The following TGM1 variants were observed in gnomAD, a reference collection of about 807,000 sequenced individuals.
The protein encoded by TGM1 is protein-glutamine gamma-glutamyltransferase K.
TGM1 carries 63 observed loss-of-function variants against 88.7 expected under a neutral mutation model. The ratio of observed to expected loss-of-function variants is 0.71; its 90% CI spans 0.58 to 0.88. TGM1 has a LOEUF of 0.88. Ranked by LOEUF, TGM1 falls within the 40% of genes least tolerant of loss-of-function variation. The pLI is 0.00. For missense variants in TGM1, 996 were observed against 1,118.0 expected (o/e 0.89, Z 1.56); for synonymous variants, 415 against 431.1 (o/e 0.96, Z 0.46).
Position 24,259,040 on chromosome 14 carries a change from G to A in TGM1, c.1159+35C>T. 6.2e-7 allele frequency: 1 copy of A among 1,612,130 alleles called. No homozygotes were observed. The highest frequency in any genetic ancestry group is 1.1e-5 in the South Asian group (1 of 90,866). ...TGGCTTTCCTCCCTTCTCCCTGTAG[G>A]GCCCGGGCCACTCCTGTCCCAGTCC... On this transcript the variant is annotated intron_variant, in intron 7 of 14. Transcript: ENST00000206765. The surrounding 1 kb of genome is among the most constrained non-coding windows in gnomAD (Gnocchi z 5.7).
At chr14:24,258,984 G>A in intron 7 of TGM1, 91 bp downstream of exon 7, 1 of 1,492,162 alleles carries the variant, frequency 6.7e-7, no homozygotes, top group South Asian at 1.2e-5. Context: ...ACCCTGCACT[G>A]TAGCCACATC....
chr14:24,250,534 C>G (rs2040693242), intron 14 of TGM1, among the ~76,000 whole-genome samples: 1 of 152,118 alleles, frequency 6.6e-6, no homozygotes, highest in Admixed American at 6.5e-5. Flanking sequence ...CTACCGAATG[C>G]CTTCTTCCCC....
rs150181059 is a variant in TGM1 at position 24,259,978 on chromosome 14, C to G, written c.838G>C (p.Glu280Gln). Residue 280 changes from glutamate to glutamine, a missense_variant, in exon 5 of 15, where the codon GAA (glutamate) becomes CAA (glutamine). Transcript: ENST00000206765. The surrounding 1 kb of genome is among the most constrained non-coding windows in gnomAD (Gnocchi z 5.7). ...CAGGTCCGCTCACCAATCTGTGCTT[C>G]GGTCCCGTAGTAAATTCTCCCAGAC... ...NESGRIYYGT[E>Q]AQIGERTWNY... The G allele has an allele frequency of 2.5e-6, 4 of 1,614,090 alleles. No individual in the cohort carries two copies. Among genetic ancestry groups the G allele is most frequent in the Non-Finnish European group, 2.5e-6 (3 of 1,180,034 alleles).
chr14:24,253,062 C>T (rs1594565749), intron 14 of TGM1, among the ~76,000 whole-genome samples: 1 of 152,204 alleles, frequency 6.6e-6, no homozygotes. Flanking sequence ...GTTCTCTCCT[C>T]TGGAACTGCT....
intron 3 of TGM1, among the ~76,000 whole-genome samples, chr14:24,261,243 C>T (rs1302936398): frequency 6.6e-6 from 1 of 152,114 alleles, no homozygotes; most frequent in African/African-American, 2.4e-5. Flanking sequence ...CAAGCTACAC[C>T]AAGCAACGCG....
At chr14:24,251,670 T>C (rs556782121) in intron 14 of TGM1, among the ~76,000 whole-genome samples, 2 of 152,328 alleles carry the variant, frequency 1.3e-5, no homozygotes, top group South Asian at 4.1e-4. Context: ...TGCCTGGGCT[T>C]GAAACATGTT....
chr14:24,252,451 C>T (rs1251824209), intron 14 of TGM1, among the ~76,000 whole-genome samples: 3 of 152,194 alleles, frequency 2.0e-5, no homozygotes, highest in Non-Finnish European at 4.4e-5. Flanking sequence ...TCTGCGGATC[C>T]CTTAGGACGA....
At chr14:24,251,785 G>A (rs563644877) in intron 14 of TGM1, among the ~76,000 whole-genome samples, 260 of 152,238 alleles carry the variant, frequency 1.7e-3, no homozygotes, top group Middle Eastern at 6.8e-3. Flanking sequence ...AGCATGCCTC[G>A]GTTCTGATGG....
intron 2 of TGM1, 51 bp from the exon 3 acceptor site, chr14:24,261,934 C>T (rs772302409): frequency 1.2e-6 from 2 of 1,610,602 alleles, no homozygotes; most frequent in South Asian, 2.2e-5. Context: ...AGCCCAGGCC[C>T]TTATCATTAG....
Position 24,259,867 on chromosome 14 carries a change from G to GCTCCAATA in TGM1, c.877-64_877-57dup. On this transcript the variant is annotated intron_variant, in intron 5 of 14. Transcript: ENST00000206765. The surrounding 1 kb of genome is among the most constrained non-coding windows in gnomAD (Gnocchi z 5.7). ...AGCCTGAACCCTAGGCCAGCACCCTGCTCCAATACCCCAGCCCCCACACCC... is the reference window on the plus strand; with the variant it reads ...AGCCTGAACCCTAGGCCAGCACCCTGCTCCAATACTCCAATACCCCAGCCCCCACACCC... The GCTCCAATA allele has an allele frequency of 1.2e-6, 2 of 1,607,662 alleles. No individual in the cohort carries two copies. The highest frequency in any genetic ancestry group is 8.5e-7 in the Non-Finnish European group (1 of 1,175,014).
chr14:24,259,432 C>T lies in TGM1; in HGVS notation c.985-183G>A, dbSNP rs546300592. Among the ~76,000 whole-genome samples the T allele has an allele frequency of 2.2e-4, 33 of 152,326 alleles. No homozygotes were observed. The highest frequency in any genetic ancestry group is 9.7e-4 in the East Asian group (5 of 5,178). ...CTCAGCCATCTGCCCCCCTCCCACC[C>T]GGGCTCTGACACAGGAATGTGAATC... On this transcript the variant is annotated intron_variant, in intron 6 of 14. Transcript: ENST00000206765. The surrounding 1 kb of genome is among the most constrained non-coding windows in gnomAD (Gnocchi z 5.7).
rs754311329 is a variant in TGM1 at position 24,255,240 on chromosome 14, C to T, written c.1659G>A (p.Glu553=). 4 of 1,613,736 alleles carry T rather than the reference C, an allele frequency of 2.5e-6. No homozygotes were observed. The East Asian group carries it at 8.9e-5, about 36-fold the overall frequency. The change falls in exon 12 of 15, where the codon GAG becomes GAA. Residue 553 remains glutamate (E), a synonymous_variant. Coordinates refer to ENST00000206765, the MANE Select transcript of TGM1 (RefSeq NM_000359.3). This position sits in a 1 kb window ranked among gnomAD's most constrained non-coding sequence, Gnocchi z 4.0. ...LYKHPEGSDA[E]RKAVETAAAH... is the part of the protein sequence containing the mutation. ...CTGCTGCTGTCTCTACTGCCTTCCG[C>T]TCTGCGTCTGAGCCTGGGGGTTGAG...
At position 24,259,628 on chromosome 14, in the gene TGM1, G is replaced by T; in HGVS notation, c.984+76C>A. On this transcript the variant is annotated intron_variant, in intron 6 of 14. Coordinates refer to ENST00000206765, the MANE Select transcript of TGM1 (RefSeq NM_000359.3). This position sits in a 1 kb window ranked among gnomAD's most constrained non-coding sequence, Gnocchi z 5.7. ...TGGGGGTTCTTGAGGAATCCAGAAA[G>T]GGCAGGAGGAGGGTGGGGGTGTGGC... is the stretch of plus-strand genomic sequence containing the variant. 8.0e-7 allele frequency: 1 copy of T among 1,255,604 alleles called. No homozygotes were observed. Among genetic ancestry groups the T allele is most frequent in the Non-Finnish European group, 1.1e-6 (1 of 878,072 alleles). The allele number at this position is 1,255,604 out of a possible 1,614,324, so 77.8% of individuals were successfully genotyped here.
intron 14 of TGM1, 141 bp from the exon 15 acceptor site, chr14:24,249,682 C>CTT: frequency 1.2e-6 from 1 of 813,484 alleles, no homozygotes; most frequent in Non-Finnish European, 2.0e-6. Context: ...TTTCCACACC[C>CTT]AAGACCAGGA....
chr14:24,254,035 G>C, intron 14 of TGM1, 117 bp downstream of exon 14: 2 of 1,456,188 alleles, frequency 1.4e-6, no homozygotes, highest in East Asian at 2.5e-5. Flanking sequence ...CAACCTGCTT[G>C]GTTGGGTCCT....
chr14:24,250,179 T>TGTGTGAGAGAGA (rs138497842), intron 14 of TGM1, among the ~76,000 whole-genome samples: 58 of 140,802 alleles, frequency 4.1e-4, no homozygotes, highest in African/African-American at 1.4e-3. Context: ...TGTGTGTGTG[T>TGTGTGAGAGAGA]GAGAGAGACA....
chr14:24,258,864 C>A (rs1335869038), intron 7 of TGM1, among the ~76,000 whole-genome samples, 191 bp from the exon 8 acceptor site: 1 of 152,246 alleles, frequency 6.6e-6, no homozygotes, highest in African/African-American at 2.4e-5. Flanking sequence ...AGGCCACCTG[C>A]CTGGCTCAGT....
At position 24,259,557 on chromosome 14, in the gene TGM1, G is replaced by GGGA; in HGVS notation, c.984+144_984+146dup. On this transcript the variant is annotated intron_variant, in intron 6 of 14. Coordinates refer to ENST00000206765, the MANE Select transcript of TGM1 (RefSeq NM_000359.3). This position sits in a 1 kb window ranked among gnomAD's most constrained non-coding sequence, Gnocchi z 5.7. ...GGGGCAGGCAAGGGAGAGAAGAGGA[G>GGGA]GGAGACCCCTTCCTGAAGTATCCTT... The GGGA allele has an allele frequency of 1.3e-6, 1 of 755,330 alleles. No homozygotes were observed. Among genetic ancestry groups the GGGA allele is most frequent in the Non-Finnish European group, 2.3e-6 (1 of 438,772 alleles). 46.8% of individuals were successfully genotyped at this position (755,330 alleles called of 1,614,324 possible). A position where few individuals can be genotyped will look rare whatever the true frequency, so the allele number is the denominator to read the frequency against.
intron 2 of TGM1, 72 bp downstream of exon 2, chr14:24,261,962 A>C (rs2040814932): frequency 1.4e-5 from 23 of 1,610,146 alleles, no homozygotes; most frequent in Non-Finnish European, 1.9e-5. Flanking sequence ...TCCCCCCCAG[A>C]AATGCCAGGC....
Sources: gnomAD v4.1 joint callset for allele counts (sites outside exome capture counted in the v4.1 genomes callset) on GRCh38, gnomAD v4.1.1 for gene constraint, Gnocchi (gnomAD v3.1) non-coding constraint, MANE v1.5 for transcripts, NCBI Gene and HGNC (gene_info 2026-07-23, HGNC 2026-07-21) for gene names.